ARHGEF10L: variants seen among roughly 807,000 people sequenced by gnomAD.
The protein encoded by ARHGEF10L is Rho guanine nucleotide exchange factor 10 like, also known as rho guanine nucleotide exchange factor 10-like protein.
A neutral mutation model predicts 141.2 loss-of-function variants in ARHGEF10L; 69 were observed. The observed-to-expected ratio is 0.49, with a 90% CI of 0.40 to 0.60. The LOEUF (loss-of-function observed/expected upper bound fraction) is 0.60, where lower values mean the gene tolerates loss of function less well. Among genes scored for constraint, ARHGEF10L ranks in the 20% least tolerant of loss-of-function variants. The pLI is 0.00. For synonymous variants in ARHGEF10L, 711 were observed against 718.5 expected (o/e 0.99, Z 0.17); for missense variants, 1,482 against 1,734.3 (o/e 0.85, Z 2.58).
chr1:17,669,859 G>C (rs1199526575), intron 26 of ARHGEF10L, among the ~76,000 whole-genome samples: 1 of 152,260 alleles, frequency 6.6e-6, no homozygotes. Flanking sequence ...AGTGTGCAGA[G>C]ACAGAGCTGG....
At chr1:17,652,110 G>A (rs112863401) in intron 22 of ARHGEF10L, among the ~76,000 whole-genome samples, 3 of 152,228 alleles carry the variant, frequency 2.0e-5, no homozygotes, top group African/African-American at 7.2e-5. Flanking sequence ...CAGTGGCCCA[G>A]ACTATTTGTC....
At chr1:17,518,792 G>A in the ARHGEF10L span, among the ~76,000 whole-genome samples, 3 of 100,634 alleles carry the variant, frequency 3.0e-5, no homozygotes, top group South Asian at 3.7e-4. Flanking sequence ...AATAGAGCAA[G>A]ATTCTGTCTC....
At position 17,654,704 on chromosome 1, in the gene ARHGEF10L, T is replaced by C; in HGVS notation, c.2463T>C (p.Leu821=). The change falls in exon 23 of 29, where the codon CTT becomes CTC. Residue 821 remains leucine, a synonymous_variant. Coordinates refer to ENST00000361221, the MANE Select transcript of ARHGEF10L (RefSeq NM_018125.4). This position sits in a 1 kb window ranked among gnomAD's most constrained non-coding sequence, Gnocchi z 4.3. ...GTTTCTCAGCAGTCAGCACCTCCCTTCCACAGGGCTACCTCTGGGTGAGTC... is the reference window on the plus strand; with the variant it reads ...GTTTCTCAGCAGTCAGCACCTCCCTCCCACAGGGCTACCTCTGGGTGAGTC... ...LLGFSAVSTS[L]PQGYLWVGGG... The C allele has an allele frequency of 6.2e-7, 1 of 1,614,104 alleles. No homozygotes were observed. Among genetic ancestry groups the C allele is most frequent in the Non-Finnish European group, 8.5e-7 (1 of 1,180,020 alleles).
intron 1 of ARHGEF10L, among the ~76,000 whole-genome samples, chr1:17,550,258 G>A (rs952067041): frequency 1.3e-5 from 2 of 152,232 alleles, no homozygotes; most frequent in African/African-American, 4.8e-5. Context: ...TGTCATGAAA[G>A]GAGACGGTTA....
chr1:17,574,928 G>A (rs1372298191), intron 1 of ARHGEF10L, among the ~76,000 whole-genome samples: 1 of 152,194 alleles, frequency 6.6e-6, no homozygotes. Context: ...GACACCAGGA[G>A]GGCTTGTACC....
chr1:17,614,194 T>A (rs12567899), intron 8 of ARHGEF10L, among the ~76,000 whole-genome samples: 1 of 152,242 alleles, frequency 6.6e-6, no homozygotes, highest in Admixed American at 6.5e-5. Context: ...TTTATTGGAA[T>A]GTGAAGCCTT....
At chr1:17,612,954 T>C in intron 7 of ARHGEF10L, 104 bp from the exon 8 acceptor site, 1 of 790,140 alleles carries the variant, frequency 1.3e-6, no homozygotes, top group South Asian at 1.6e-5. Context: ...CGTCCGCACT[T>C]TACCTGAGTC....
chr1:17,676,345 G>A (rs979448352), intron 26 of ARHGEF10L, among the ~76,000 whole-genome samples: 11 of 140,980 alleles, frequency 7.8e-5, no homozygotes, highest in East Asian at 4.5e-4. Context: ...GGGTGCAGGC[G>A]TGGGTGCAGG....
At chr1:17,626,429 C>T (rs998275444) in intron 14 of ARHGEF10L, among the ~76,000 whole-genome samples, 11 of 152,010 alleles carry the variant, frequency 7.2e-5, no homozygotes, top group Admixed American at 3.3e-4. Context: ...GGACATTAGC[C>T]CCACACAGGG....
intron 1 of ARHGEF10L, among the ~76,000 whole-genome samples, chr1:17,564,557 C>T (rs1018950976): frequency 6.6e-6 from 1 of 152,148 alleles, no homozygotes; most frequent in African/African-American, 2.4e-5. Context: ...GAGGTTTTAA[C>T]CTGTAAATAC....
At chr1:17,665,469 T>G (rs1031630106) in intron 26 of ARHGEF10L, among the ~76,000 whole-genome samples, 2 of 152,108 alleles carry the variant, frequency 1.3e-5, no homozygotes, top group South Asian at 4.1e-4. Flanking sequence ...ATGGATGAGC[T>G]CTGAGACTGG....
intron 2 of ARHGEF10L, among the ~76,000 whole-genome samples, chr1:17,581,004 G>GA (rs935435518): frequency 2.0e-5 from 3 of 152,042 alleles, no homozygotes; most frequent in African/African-American, 7.2e-5. Flanking sequence ...CGCATTTAGT[G>GA]AAAAAAAGAG....
chr1:17,689,949 AC>A, intron 27 of ARHGEF10L: 1 of 421,556 alleles, frequency 2.4e-6, no homozygotes, highest in South Asian at 1.7e-5. Context: ...TTTCACATGC[AC>A]CTTCACGCCC....
chr1:17,674,570 C>A (rs1382161058), intron 26 of ARHGEF10L, among the ~76,000 whole-genome samples: 1 of 152,152 alleles, frequency 6.6e-6, no homozygotes, highest in Non-Finnish European at 1.5e-5. Context: ...GCGGGGTGGG[C>A]CAGGCTCTCT....
the ARHGEF10L span, among the ~76,000 whole-genome samples, chr1:17,515,025 C>A: frequency 6.6e-6 from 1 of 152,320 alleles, no homozygotes; most frequent in East Asian, 1.9e-4. Context: ...TGAAATGGGA[C>A]ACCCTCTTGA....
intron 21 of ARHGEF10L, among the ~76,000 whole-genome samples, chr1:17,642,486 A>G (rs1427389762): frequency 1.3e-5 from 2 of 152,096 alleles, no homozygotes; most frequent in Non-Finnish European, 2.9e-5. Context: ...AGAGCTGGAT[A>G]GTGTCCCGAT....
At chr1:17,540,669 C>T (rs948920234) in intron 1 of ARHGEF10L, among the ~76,000 whole-genome samples, 17 of 152,040 alleles carry the variant, frequency 1.1e-4, no homozygotes, top group African/African-American at 3.9e-4. Context: ...GCGGGGGTCT[C>T]GAATCTTCCT....
At chr1:17,599,490 T>A (rs2080432063) in intron 4 of ARHGEF10L, among the ~76,000 whole-genome samples, 1 of 152,124 alleles carries the variant, frequency 6.6e-6, no homozygotes, top group Non-Finnish European at 1.5e-5. Flanking sequence ...TCTTCTAAGC[T>A]CACGTCTGTT....
rs773752832 is a variant in ARHGEF10L, at chr1:17,619,319, C to T, written c.836-20C>T. 1.4e-5 allele frequency: 22 copies of T among 1,608,966 alleles called. No homozygotes were observed. Among genetic ancestry groups the T allele is most frequent in the East Asian group, 8.9e-5 (4 of 44,834 alleles). On this transcript the variant is annotated intron_variant, in intron 9 of 28. Transcript: ENST00000361221. This position sits in a 1 kb window ranked among gnomAD's most constrained non-coding sequence, Gnocchi z 5.0. ...GCTGTCCCTGCCTTAGCTGTGTCATCGGCCCATCTGACTTTCCAGGTGACT... is the reference window on the plus strand; with the variant it reads ...GCTGTCCCTGCCTTAGCTGTGTCATTGGCCCATCTGACTTTCCAGGTGACT...
Sources: allele counts gnomAD v4.1 joint callset (sites outside exome capture counted in the v4.1 genomes callset), GRCh38; gene constraint gnomAD v4.1.1; non-coding constraint Gnocchi (gnomAD v3.1); transcripts MANE v1.5; gene names NCBI Gene and HGNC (gene_info 2026-07-23, HGNC 2026-07-21).